The following PCNX2 variants were observed in gnomAD, a reference collection of about 807,000 sequenced individuals.
PCNX2 encodes pecanex 2.
Under a neutral mutation model 223.8 loss-of-function variants are expected in PCNX2, and 168 were observed. The ratio of observed to expected loss-of-function variants is 0.75; its 90% CI spans 0.66 to 0.85. The LOEUF (loss-of-function observed/expected upper bound fraction) is 0.85. Among genes scored for constraint, PCNX2 ranks in the 40% least tolerant of loss-of-function variants. The pLI is 0.00. For missense variants in PCNX2, 2,507 were observed against 2,675.5 expected (o/e 0.94, Z 1.39); for synonymous variants, 1,006 against 1,052.6 (o/e 0.96, Z 0.86).
chr1:233,265,012 A>G (rs1660252126), intron 1 of PCNX2, among the ~76,000 whole-genome samples: 1 of 152,094 alleles, frequency 6.6e-6, no homozygotes, highest in Admixed American at 6.5e-5. Context: ...CCAAGGCAGA[A>G]GGATTGCTTG....
intron 1 of PCNX2, among the ~76,000 whole-genome samples, chr1:233,276,302 T>C (rs573860845): frequency 1.3e-5 from 2 of 152,276 alleles, no homozygotes; most frequent in Admixed American, 6.5e-5. Context: ...AGAATGGTGG[T>C]TGCCGGGGGC....
At chr1:233,169,623 C>T (rs1261027172) in intron 17 of PCNX2, among the ~76,000 whole-genome samples, 4 of 138,786 alleles carry the variant, frequency 2.9e-5, no homozygotes, top group Admixed American at 7.6e-5. Flanking sequence ...CCAGCCTGGG[C>T]GACAGAGCGA....
chr1:233,024,962 AT>A (rs1286321547), intron 26 of PCNX2, among the ~76,000 whole-genome samples, 183 bp downstream of exon 26: 2 of 152,204 alleles, frequency 1.3e-5, no homozygotes, highest in East Asian at 3.8e-4. Flanking sequence ...CAGGGCACAA[AT>A]CTCAGGTTAA....
chr1:233,154,446 G>T (rs1677995484), intron 19 of PCNX2, among the ~76,000 whole-genome samples: 1 of 152,094 alleles, frequency 6.6e-6, no homozygotes, highest in African/African-American at 2.4e-5. Flanking sequence ...TATAGCTTAA[G>T]CTTTTCAGTA....
chr1:233,177,060 G>C (rs1679515443), intron 17 of PCNX2, among the ~76,000 whole-genome samples: 1 of 152,038 alleles, frequency 6.6e-6, no homozygotes, highest in Admixed American at 6.5e-5. Context: ...TAAAGTAAAG[G>C]TTCCTCTTCA....
At chr1:233,217,171 C>A (rs181379747) in intron 12 of PCNX2, among the ~76,000 whole-genome samples, 95 of 152,018 alleles carry the variant, frequency 6.2e-4, no homozygotes, top group African/African-American at 2.2e-3. Context: ...AATAATAATA[C>A]ACTGTTATAC....
intron 28 of PCNX2, among the ~76,000 whole-genome samples, chr1:233,013,690 C>T (rs1040623736): frequency 8.5e-5 from 13 of 152,148 alleles, no homozygotes; most frequent in South Asian, 2.1e-4. Flanking sequence ...CAATCCCAGA[C>T]GGGCAGAGGC....
At chr1:233,279,989 T>C (rs73093222) in intron 1 of PCNX2, among the ~76,000 whole-genome samples, 4,053 of 152,306 alleles carry the variant, frequency 0.027, 192 homozygotes, top group African/African-American at 0.093. Flanking sequence ...TGTGTCTTTT[T>C]GAAACAGAAT....
intron 23 of PCNX2, among the ~76,000 whole-genome samples, chr1:233,062,039 A>T (rs559942191): frequency 6.9e-4 from 105 of 152,266 alleles, no homozygotes; most frequent in African/African-American, 2.5e-3. Flanking sequence ...GATTACAGGC[A>T]TGAGCCACTG....
Position 233,295,589 on chromosome 1 carries a change from G to A in PCNX2, c.-111C>T. On this transcript the variant is annotated 5_prime_UTR_variant, in exon 1 of 34. The change creates a new upstream start codon in the 5' untranslated region. Transcript: ENST00000258229. This position sits in a 1 kb window ranked among gnomAD's most constrained non-coding sequence, Gnocchi z 4.1. ...CGGGCCCGCGGGCCGCGCCCCCGCC[G>A]TCGCCGCCGCCGTCGCCCCCGCCGC... 3 of 1,170,382 alleles carry A rather than the reference G, an allele frequency of 2.6e-6. No homozygotes were observed. The highest frequency in any genetic ancestry group is 6.9e-5 in the South Asian group (2 of 28,900). 72.5% of individuals were successfully genotyped at this position (1,170,382 alleles called of 1,614,324 possible). A position where few individuals can be genotyped will look rare whatever the true frequency, so the allele number is the denominator to read the frequency against.
chr1:233,248,109 G>A (rs1334529859), intron 8 of PCNX2, among the ~76,000 whole-genome samples: 1 of 152,128 alleles, frequency 6.6e-6, no homozygotes, highest in East Asian at 1.9e-4. Flanking sequence ...TTTTCTTCAA[G>A]GGGAAAGTTG....
At chr1:233,019,107 G>T (rs1670786978) in intron 26 of PCNX2, 4 of 985,272 alleles carry the variant, frequency 4.1e-6, no homozygotes, top group Non-Finnish European at 4.8e-6. Context: ...TAGGACTTTA[G>T]CAGGTGAAGA....
chr1:233,161,061 A>G (rs1678437442), intron 18 of PCNX2, among the ~76,000 whole-genome samples: 1 of 152,194 alleles, frequency 6.6e-6, no homozygotes, highest in African/African-American at 2.4e-5. Flanking sequence ...GGTAAGGATA[A>G]AGCAATCGAA....
intron 24 of PCNX2, 88 bp downstream of exon 24, chr1:233,057,144 G>T: frequency 9.1e-7 from 1 of 1,104,706 alleles, no homozygotes; most frequent in Non-Finnish European, 1.3e-6. Context: ...TCTCCACAAT[G>T]AGTACAGAGT....
intron 22 of PCNX2, chr1:233,095,374 A>T: frequency 5.6e-6 from 1 of 178,622 alleles, no homozygotes; most frequent in Non-Finnish European, 1.2e-5. Flanking sequence ...CACTTGATAA[A>T]AATGTATTGA....
chr1:232,997,894 A>G (rs1669930397), intron 32 of PCNX2, among the ~76,000 whole-genome samples: 2 of 152,126 alleles, frequency 1.3e-5, no homozygotes, highest in South Asian at 4.1e-4. Context: ...GAGAAGAGGG[A>G]GACAGTACAT....
In PCNX2 at chr1:232,998,260, G is replaced by T; in HGVS notation, c.5782C>A (p.Gln1928Lys). ...CCCCTGCTGCACCCACCTGTTCTCT[G>T]TGTCCCTTCACAGGATGACACCCCG... The part of the protein sequence containing the change: ...QHGVSSCEGT[Q>K]RTGRRKGRSQ... Residue 1928 changes from glutamine to lysine, a missense_variant, in exon 32 of 34, where the codon CAG becomes AAG. Transcript: ENST00000258229. 1 of 1,575,768 alleles carries T rather than the reference G, an allele frequency of 6.3e-7. No homozygotes were observed. Among genetic ancestry groups the T allele is most frequent in the Non-Finnish European group, 8.6e-7 (1 of 1,161,068 alleles).
chr1:232,986,363 G>C lies in PCNX2; in HGVS notation c.5969C>G (p.Ser1990Trp). Residue 1990 changes from serine (S) to tryptophan (W), a missense_variant, in exon 33 of 34, where the codon TCG becomes TGG. Ser to Trp is a radical substitution (Grantham distance 177). This residue lies in a region of PCNX2 where 1,372 missense variants were observed against 1,509.4 expected (regional missense o/e 0.91). Transcript: ENST00000258229. Reference sequence around the variant, plus strand: ...GGGCTGAGAGTGCAGGGACGTGGCCGAGGCGTGCAAGGAGAGCCGGCTGCC... The same window carrying C: ...GGGCTGAGAGTGCAGGGACGTGGCCCAGGCGTGCAAGGAGAGCCGGCTGCC... Reference protein sequence around the residue: ...LSGSRLSLHASATSLHSQPPP... With the variant: ...LSGSRLSLHAWATSLHSQPPP... 2 of 1,602,018 alleles carry C rather than the reference G, an allele frequency of 1.2e-6. No individual in the cohort carries two copies. Among genetic ancestry groups the C allele is most frequent in the Non-Finnish European group, 8.5e-7 (1 of 1,174,260 alleles).
intron 19 of PCNX2, among the ~76,000 whole-genome samples, chr1:233,141,930 A>C (rs1290315125): frequency 1.3e-5 from 2 of 152,032 alleles, no homozygotes; most frequent in African/African-American, 2.4e-5. Context: ...CAGTACAAAC[A>C]CTCCAACAAT....
Sources: gnomAD v4.1 joint callset for allele counts (sites outside exome capture counted in the v4.1 genomes callset) on GRCh38, gnomAD v4.1.1 for gene constraint, gnomAD v4.1.1 regional missense constraint, Gnocchi (gnomAD v3.1) non-coding constraint, MANE v1.5 for transcripts, NCBI Gene and HGNC (gene_info 2026-07-23, HGNC 2026-07-21) for gene names.